The following CHST11 variants were observed in gnomAD, a reference collection of about 807,000 sequenced individuals.
CHST11 encodes C4S-1.
Under a neutral mutation model 30.4 loss-of-function variants are expected in CHST11, and 9 were observed. The observed-to-expected ratio is 0.30, with a 90% CI of 0.18 to 0.52. The LOEUF is 0.52. CHST11 is among the 20% of genes least tolerant of loss of function. The pLI is 0.97. For missense variants in CHST11, 348 were observed against 460.6 expected, an observed-to-expected ratio of 0.76 and a Z score of 2.24; for synonymous variants, 152 against 187.8, an observed-to-expected ratio of 0.81 and a Z score of 1.56.
At chr12:104,716,832 C>A (rs1164670067) in intron 2 of CHST11, among the ~76,000 whole-genome samples, 1 of 152,252 alleles carries the variant, frequency 6.6e-6, no homozygotes, top group Admixed American at 6.5e-5. Context: ...CAAATTACTG[C>A]AAACTTAATG....
chr12:104,657,212 A>G (rs979621894), intron 2 of CHST11, among the ~76,000 whole-genome samples: 3 of 152,170 alleles, frequency 2.0e-5, no homozygotes, highest in Non-Finnish European at 2.9e-5. Flanking sequence ...TCAATCCACT[A>G]TTTGCATGTC....
intron 2 of CHST11, among the ~76,000 whole-genome samples, chr12:104,660,765 C>A (rs1431885497): frequency 1.3e-5 from 2 of 152,180 alleles, no homozygotes; most frequent in African/African-American, 4.8e-5. Context: ...TTTGACCTTA[C>A]ATTTATGAAA....
chr12:104,473,728 C>CT (rs1165792633), intron 1 of CHST11, among the ~76,000 whole-genome samples: 1 of 152,094 alleles, frequency 6.6e-6, no homozygotes, highest in East Asian at 1.9e-4. Context: ...AAAAAGGCAT[C>CT]TCTCTGTGGC....
chr12:104,689,357 A>G (rs982647487), intron 2 of CHST11, among the ~76,000 whole-genome samples: 7 of 152,234 alleles, frequency 4.6e-5, no homozygotes, highest in Non-Finnish European at 7.3e-5. Context: ...GATAGGCCCA[A>G]TGGCTGTTCT....
chr12:104,566,123 C>G (rs931591656), intron 1 of CHST11, among the ~76,000 whole-genome samples: 1 of 152,196 alleles, frequency 6.6e-6, no homozygotes, highest in Non-Finnish European at 1.5e-5. Flanking sequence ...GCTTGGAAGC[C>G]ATTCTCTGGC....
chr12:104,602,727 C>A (rs563101027), intron 2 of CHST11, among the ~76,000 whole-genome samples: 1 of 152,214 alleles, frequency 6.6e-6, no homozygotes, highest in Non-Finnish European at 1.5e-5. Flanking sequence ...GGTAAGTGAA[C>A]AACTAGCAGC....
intron 2 of CHST11, among the ~76,000 whole-genome samples, chr12:104,690,589 G>A (rs1306770461): frequency 1.3e-5 from 2 of 152,196 alleles, no homozygotes; most frequent in Non-Finnish European, 2.9e-5. Flanking sequence ...ACTTTGGGAG[G>A]CCGAGGAGGG....
chr12:104,591,564 G>A (rs1376134119), intron 1 of CHST11: 1 of 153,318 alleles, frequency 6.5e-6, no homozygotes, highest in Non-Finnish European at 1.5e-5. Context: ...TTTAGCTGTG[G>A]AAGCCATGAG....
intron 2 of CHST11, among the ~76,000 whole-genome samples, chr12:104,621,944 C>T (rs1322687641): frequency 2.0e-5 from 3 of 152,190 alleles, no homozygotes; most frequent in Non-Finnish European, 4.4e-5. Flanking sequence ...CGTGGTGAGT[C>T]TGGAAAATGG....
At chr12:104,554,339 G>C (rs1029793161) in intron 1 of CHST11, among the ~76,000 whole-genome samples, 1 of 152,158 alleles carries the variant, frequency 6.6e-6, no homozygotes. Flanking sequence ...GCATGTGCAA[G>C]GGCCAAGAGA....
chr12:104,623,773 C>T (rs944743728), intron 2 of CHST11, among the ~76,000 whole-genome samples: 4 of 151,976 alleles, frequency 2.6e-5, no homozygotes, highest in African/African-American at 7.3e-5. Flanking sequence ...TCTATCTCAC[C>T]GTCTCTGCTG....
intron 1 of CHST11, among the ~76,000 whole-genome samples, chr12:104,487,969 C>G (rs1336028048): frequency 6.6e-6 from 1 of 151,698 alleles, no homozygotes; most frequent in African/African-American, 2.4e-5. Context: ...AGTGCAGTGA[C>G]ACAATCATAG....
At chr12:104,710,315 A>G (rs2040075895) in intron 2 of CHST11, among the ~76,000 whole-genome samples, 1 of 152,140 alleles carries the variant, frequency 6.6e-6, no homozygotes. Context: ...AAATTCTTGC[A>G]CCGCTGGCGT....
intron 2 of CHST11, among the ~76,000 whole-genome samples, chr12:104,706,869 G>C (rs780772229): frequency 3.3e-5 from 5 of 152,166 alleles, no homozygotes; most frequent in Non-Finnish European, 7.3e-5. Context: ...GAGAACTTGG[G>C]GCAAAATGTA....
At chr12:104,459,820 C>G (rs148706950) in intron 1 of CHST11, among the ~76,000 whole-genome samples, 1 of 152,134 alleles carries the variant, frequency 6.6e-6, no homozygotes, top group South Asian at 2.1e-4. Context: ...ATTTAGATCT[C>G]TATAAATATA....
chr12:104,465,128 A>G (rs2037445581), intron 1 of CHST11, among the ~76,000 whole-genome samples: 1 of 152,176 alleles, frequency 6.6e-6, no homozygotes, highest in Non-Finnish European at 1.5e-5. Context: ...ACTTTATGTA[A>G]ACTGTGGCAC....
chr12:104,747,811 C>A (rs2040400068), intron 2 of CHST11, among the ~76,000 whole-genome samples: 1 of 152,106 alleles, frequency 6.6e-6, no homozygotes, highest in African/African-American at 2.4e-5. Flanking sequence ...CTCTGCCCAC[C>A]CCGAGACAGT....
intron 1 of CHST11, among the ~76,000 whole-genome samples, chr12:104,475,656 C>CT (rs2037549834): frequency 1.6e-4 from 1 of 6,194 alleles, no homozygotes; most frequent in Non-Finnish European, 6.2e-4. Context: ...AGTAAAGCAG[C>CT]ATTATATATA....
intron 2 of CHST11, among the ~76,000 whole-genome samples, chr12:104,662,058 G>A (rs146796373): frequency 7.9e-4 from 120 of 152,316 alleles, no homozygotes; most frequent in African/African-American, 2.8e-3. Flanking sequence ...ATTTTTAATA[G>A]AAATATAAAC....
Sources: gnomAD v4.1 joint callset for allele counts (sites outside exome capture counted in the v4.1 genomes callset) on GRCh38, gnomAD v4.1.1 for gene constraint, MANE v1.5 for transcripts, NCBI Gene and HGNC (gene_info 2026-07-23, HGNC 2026-07-21) for gene names.